Variants in ZBTB7C observed in about 807,000 individuals in gnomAD.
The protein encoded by ZBTB7C is zinc finger and BTB domain containing 7C, also known as zinc finger and BTB domain-containing protein 7C.
In ZBTB7C, 8 loss-of-function variants were observed where a neutral mutation model predicts 25.7. The observed-to-expected ratio is 0.31, with a 90% CI of 0.18 to 0.56. The LOEUF is 0.56. Ranked by LOEUF, ZBTB7C falls within the 20% of genes least tolerant of loss-of-function variation. The pLI is 0.91. For synonymous variants in ZBTB7C, 394 were observed against 369.0 expected (o/e 1.07, Z -0.78); for missense variants, 824 against 855.2 (o/e 0.96, Z 0.46).
chr18:48,271,205 G>A (rs1006756561), intron 2 of ZBTB7C, among the ~76,000 whole-genome samples: 1 of 152,128 alleles, frequency 6.6e-6, no homozygotes, highest in Non-Finnish European at 1.5e-5. Context: ...AACTGTCTCA[G>A]AGAATAGAAT....
chr18:48,052,956 G>A (rs1431377328), intron 3 of ZBTB7C, among the ~76,000 whole-genome samples: 1 of 152,124 alleles, frequency 6.6e-6, no homozygotes, highest in Non-Finnish European at 1.5e-5. Context: ...CCTTGACTTT[G>A]CCCTCTTTCT....
At chr18:48,259,358 A>C (rs1297738992) in intron 2 of ZBTB7C, among the ~76,000 whole-genome samples, 1 of 148,142 alleles carries the variant, frequency 6.8e-6, no homozygotes, top group African/African-American at 2.6e-5. Flanking sequence ...AAAAAAGCTA[A>C]ATATATACCT....
At chr18:48,286,022 G>A (rs989278354) in intron 2 of ZBTB7C, among the ~76,000 whole-genome samples, 2 of 152,110 alleles carry the variant, frequency 1.3e-5, no homozygotes, top group Admixed American at 6.5e-5. Context: ...CCCCTTGAGG[G>A]ATTTAGAACC....
At chr18:48,196,039 G>T (rs919449082) in intron 2 of ZBTB7C, among the ~76,000 whole-genome samples, 11 of 152,214 alleles carry the variant, frequency 7.2e-5, no homozygotes, top group Admixed American at 3.9e-4. Flanking sequence ...ATCTTGGACA[G>T]CAGCCTTCCT....
chr18:48,031,793 C>G (rs559093939), intron 4 of ZBTB7C, among the ~76,000 whole-genome samples: 1 of 152,372 alleles, frequency 6.6e-6, no homozygotes, highest in East Asian at 1.9e-4. Context: ...ACAGACCCAG[C>G]TGGGGAACTT....
chr18:48,216,253 T>C (rs1488175537), intron 2 of ZBTB7C, among the ~76,000 whole-genome samples: 1 of 152,208 alleles, frequency 6.6e-6, no homozygotes, highest in Non-Finnish European at 1.5e-5. Flanking sequence ...AAGTTCTTTA[T>C]TGTGCTGAAG....
chr18:48,191,659 C>A (rs991280701), intron 2 of ZBTB7C, among the ~76,000 whole-genome samples: 23 of 152,272 alleles, frequency 1.5e-4, no homozygotes, highest in Non-Finnish European at 2.9e-4. Flanking sequence ...TAGTGGGAGC[C>A]CAGCGCTTGG....
At position 48,074,944 on chromosome 18, in the gene ZBTB7C, G is replaced by A. The variant is rs547081830; in HGVS notation, c.-16-33821C>T. ...ACTTATTAACATACTGGCACCTTTT[G>A]TTTTTTAATTCTCAAATTTCCCTTG... On this transcript the variant is annotated intron_variant, in intron 3 of 4. Transcript: ENST00000590800. 4.6e-5 allele frequency among the ~76,000 whole-genome samples: 7 copies of A among 152,246 alleles called. No individual in the cohort carries two copies. The East Asian group carries it at 1.4e-3, about 29-fold the overall frequency.
chr18:48,342,839 GT>G (rs1208389441), intron 1 of ZBTB7C, among the ~76,000 whole-genome samples: 2 of 152,120 alleles, frequency 1.3e-5, no homozygotes, highest in Admixed American at 1.3e-4. Flanking sequence ...GCTTTCAAGT[GT>G]TGCCGGACAC....
At chr18:48,089,673 C>T (rs1312609103) in intron 3 of ZBTB7C, among the ~76,000 whole-genome samples, 2 of 152,086 alleles carry the variant, frequency 1.3e-5, no homozygotes, top group Non-Finnish European at 2.9e-5. Context: ...TAAAAGTCTG[C>T]ATTTCTGATT....
At chr18:48,389,278 T>TGTGTG (rs2047838783) in intron 1 of ZBTB7C, among the ~76,000 whole-genome samples, 2 of 119,904 alleles carry the variant, frequency 1.7e-5, no homozygotes, top group African/African-American at 3.1e-5. Flanking sequence ...TGTGTGTGTG[T>TGTGTG]TGGGCCTTGT....
intron 3 of ZBTB7C, chr18:48,149,260 G>A (rs1031095002): frequency 6.6e-6 from 1 of 152,662 alleles, no homozygotes; most frequent in Admixed American, 6.5e-5. Context: ...GTCACAGTGA[G>A]TAGAAGGACC....
chr18:48,029,312 G>C lies in ZBTB7C; in HGVS notation c.1808C>G (p.Pro603Arg). ...CACGTGGTTGAGGCCGGCGAGCCCAGGGAGGCCGGCCAGGCCGGCGGCCCA... is the reference window on the plus strand; with the variant it reads ...CACGTGGTTGAGGCCGGCGAGCCCACGGAGGCCGGCCAGGCCGGCGGCCCA... The part of the protein sequence containing the change: ...DPWAAGLAGL[P>R]GLAGLNHVAS... The change falls in exon 5 of 5, where the codon CCT becomes CGT. Residue 603 changes from proline to arginine, a missense_variant. Pro to Arg is a moderately radical substitution (Grantham distance 103). Coordinates refer to ENST00000590800, the MANE Select transcript of ZBTB7C (RefSeq NM_001318841.2). The C allele has an allele frequency of 2.6e-6, 4 of 1,537,926 alleles. No homozygotes were observed. Among genetic ancestry groups the C allele is most frequent in the Non-Finnish European group, 3.5e-6 (4 of 1,147,884 alleles).
At position 48,176,616 on chromosome 18, in the gene ZBTB7C, C is replaced by CGTGTGT. The variant is rs10533963; in HGVS notation, c.-17+9312_-17+9317dup. Among the ~76,000 whole-genome samples the CGTGTGT allele has an allele frequency of 9.3e-3, 1,397 of 149,726 alleles. 15 individuals carry two copies. The highest frequency in any genetic ancestry group is 0.036 in the South Asian group (166 of 4,660). On this transcript the variant is annotated intron_variant, in intron 3 of 4. Transcript: ENST00000590800. ...ACCTTCAAATGGTTCAGGAAATACACGTGTGTGTGTGTGTGTGTGTGTGTG... is the reference window on the plus strand; with the variant it reads ...ACCTTCAAATGGTTCAGGAAATACACGTGTGTGTGTGTGTGTGTGTGTGTGTGTGTG...
At chr18:48,325,466 C>A (rs936322157) in intron 2 of ZBTB7C, among the ~76,000 whole-genome samples, 5 of 152,166 alleles carry the variant, frequency 3.3e-5, no homozygotes, top group African/African-American at 1.2e-4. Context: ...CTTTTTCATG[C>A]ACTAGCAATG....
chr18:48,058,725 C>T (rs548861820), intron 3 of ZBTB7C, among the ~76,000 whole-genome samples: 3 of 152,318 alleles, frequency 2.0e-5, no homozygotes, highest in African/African-American at 7.2e-5. Flanking sequence ...TGCCTACAGA[C>T]TACAGGAAGG....
chr18:48,140,729 G>C (rs1598957162), intron 3 of ZBTB7C, among the ~76,000 whole-genome samples: 1 of 152,140 alleles, frequency 6.6e-6, no homozygotes, highest in Admixed American at 6.5e-5. Context: ...TGCAGACATG[G>C]GAATGAGTGA....
intron 2 of ZBTB7C, among the ~76,000 whole-genome samples, chr18:48,204,576 C>T (rs539237707): frequency 2.0e-5 from 3 of 152,294 alleles, no homozygotes; most frequent in African/African-American, 7.2e-5. Flanking sequence ...ACATTCCTTC[C>T]CTTCATGTAG....
chr18:48,117,992 CTTCTTCTTCT>C (rs1436889039), intron 3 of ZBTB7C, among the ~76,000 whole-genome samples: 1 of 146,106 alleles, frequency 6.8e-6, no homozygotes, highest in African/African-American at 2.6e-5. Flanking sequence ...ATCTTTTCTT[CTTCTTCTTCT>C]TTTTTTTTTT....
Sources: allele counts gnomAD v4.1 joint callset (sites outside exome capture counted in the v4.1 genomes callset), GRCh38; gene constraint gnomAD v4.1.1; transcripts MANE v1.5; gene names NCBI Gene and HGNC (gene_info 2026-07-23, HGNC 2026-07-21).